Variants in TRIM25 observed in about 807,000 individuals in gnomAD.
TRIM25 encodes E3 ubiquitin/ISG15 ligase TRIM25.
Under a neutral mutation model 65.2 loss-of-function variants are expected in TRIM25, and 45 were observed. That is an observed-to-expected ratio of 0.69 (90% confidence interval 0.54 to 0.89). The LOEUF (loss-of-function observed/expected upper bound fraction) is 0.89, where lower values mean the gene tolerates loss of function less well. Ranked by LOEUF, TRIM25 falls within the 40% of genes least tolerant of loss-of-function variation. TRIM25 has a pLI of 0.00. For synonymous variants in TRIM25, 321 were observed against 340.4 expected, an observed-to-expected ratio of 0.94 and a Z score of 0.63; for missense variants, 714 against 803.7, an observed-to-expected ratio of 0.89 and a Z score of 1.35.
At position 56,913,481 on chromosome 17, in the gene TRIM25, CG is replaced by C; in HGVS notation, c.507del (p.Glu170SerfsTer22). The C allele has an allele frequency of 6.2e-7, 1 of 1,613,222 alleles. No individual in the cohort carries two copies. The highest frequency in any genetic ancestry group is 1.3e-5 in the African/African-American group (1 of 75,012). On this transcript the variant is annotated frameshift_variant, in exon 1 of 9. Transcript: ENST00000316881. LOFTEE classifies it high-confidence loss of function. The surrounding 1 kb of genome is among the most constrained non-coding windows in gnomAD (Gnocchi z 6.1). ...QHNRLREFFC[P>X]EHSECICHIC... ...ATGTGGCAGATGCACTCGCTGTGCT[CG>C]GGGCAGAAAAATTCCCGCAGCCGAT...
At chr17:56,912,097 A>C in intron 1 of TRIM25, 1 of 152,176 alleles carries the variant, frequency 6.6e-6, no homozygotes, top group East Asian at 1.9e-4. Context: ...CAGACCCCCA[A>C]CTCTGACCTT....
At chr17:56,908,397 C>T in intron 2 of TRIM25, 71 bp downstream of exon 2, 1 of 1,485,124 alleles carries the variant, frequency 6.7e-7, no homozygotes, top group African/African-American at 1.4e-5. Context: ...TGGTCAGAGC[C>T]ACGCCCATCC....
At chr17:56,904,999 G>A (rs746855266) in intron 2 of TRIM25, among the ~76,000 whole-genome samples, 4 of 152,200 alleles carry the variant, frequency 2.6e-5, no homozygotes, top group Non-Finnish European at 4.4e-5. Flanking sequence ...AGAAACGCAT[G>A]GGAATGAATA....
chr17:56,898,936 T>TG (rs1909353389), intron 5 of TRIM25, 179 bp downstream of exon 5: 1 of 631,984 alleles, frequency 1.6e-6, no homozygotes, highest in Admixed American at 2.9e-5. Flanking sequence ...GCAATGCTGA[T>TG]GGACAGCGGA....
intron 3 of TRIM25, among the ~76,000 whole-genome samples, chr17:56,902,045 G>A (rs972323398): frequency 2.6e-5 from 4 of 152,152 alleles, no homozygotes; most frequent in Admixed American, 6.5e-5. Context: ...GGAAGGGAGG[G>A]TCTTCCTGGA....
rs1290082048 is a variant in TRIM25, at chr17:56,889,914, T to C, written c.*1786A>G. 5.0e-5 allele frequency: 20 copies of C among 398,752 alleles called. No homozygotes were observed. Among genetic ancestry groups the C allele is most frequent in the Non-Finnish European group, 8.8e-5 (20 of 226,318 alleles). The allele number at this position is 398,752 out of a possible 1,614,324, so 24.7% of individuals were successfully genotyped here. A position where few individuals can be genotyped will look rare whatever the true frequency, so the allele number is the denominator to read the frequency against. The stretch of plus-strand genomic sequence containing the variant: ...GACCACATATCACCTATTGCAGGGA[T>C]GTCTTTCCTACAAAGATTATTGCTC... On this transcript the variant is annotated 3_prime_UTR_variant, in exon 9 of 9. Transcript: ENST00000316881.
At chr17:56,895,484 G>GT in intron 7 of TRIM25, 37 bp downstream of exon 7, 1 of 1,614,036 alleles carries the variant, frequency 6.2e-7, no homozygotes, top group Non-Finnish European at 8.5e-7. Context: ...CAAACTCAGA[G>GT]TGGACACCCC....
chr17:56,898,509 G>A (rs1307792262), intron 5 of TRIM25, among the ~76,000 whole-genome samples: 1 of 152,172 alleles, frequency 6.6e-6, no homozygotes, highest in Non-Finnish European at 1.5e-5. Flanking sequence ...CCAATGAGGG[G>A]GATAGTACCC....
In TRIM25 at chr17:56,895,344, C is replaced by T; in HGVS notation, c.1362G>A (p.Glu454=). 2 of 1,613,666 alleles carry T rather than the reference C, an allele frequency of 1.2e-6. No individual in the cohort carries two copies. Among genetic ancestry groups the T allele is most frequent in the Non-Finnish European group, 1.7e-6 (2 of 1,179,682 alleles). The change falls in exon 8 of 9, where the codon GAG becomes GAA. Residue 454 remains glutamate (E), a splice_region_variant and synonymous_variant. Coordinates refer to ENST00000316881, the MANE Select transcript of TRIM25 (RefSeq NM_005082.5). ...CGCACCAGCCCCGAAGCTACTCACA[C>T]TCCAGGAGCTCAGGTCTGGACTTGG... is the stretch of plus-strand genomic sequence containing the variant. The part of the protein sequence containing the change: ...FLAKSRPELL[E]YYIKVILDYN...
intron 8 of TRIM25, among the ~76,000 whole-genome samples, chr17:56,892,480 T>C (rs113400839): frequency 9.8e-5 from 15 of 152,318 alleles, no homozygotes; most frequent in African/African-American, 3.6e-4. Context: ...CATATACCCA[T>C]CTATCTACCT....
rs369983490 is a variant in TRIM25 at position 56,901,563 on chromosome 17, G to C, written c.943C>G (p.Arg315Gly). Residue 315 changes from arginine to glycine, a missense_variant, in exon 4 of 9, where the codon CGA becomes GGA. Arg to Gly is a moderately radical substitution (Grantham distance 125). This residue lies in a region of TRIM25 where 413 missense variants were observed against 498.2 expected (regional missense o/e 0.83). Transcript: ENST00000316881. ...TAGACTGGCTTTGTTGAGATTCCTC[G>C]CAGTTTTGATGCTTTCTGGAACATG... ...FEFLEKASKL[R>G]GISTKPVYIP... The C allele has an allele frequency of 3.7e-6, 6 of 1,614,070 alleles. No homozygotes were observed. Among genetic ancestry groups the C allele is most frequent in the Middle Eastern group, 1.7e-4 (1 of 6,058 alleles).
At position 56,899,185 on chromosome 17, in the gene TRIM25, G is replaced by C. The variant is rs543045762; in HGVS notation, c.1088-5C>G. The C allele has an allele frequency of 9.2e-5, 149 of 1,614,164 alleles. 1 individual carries two copies. In the East Asian group the frequency reaches 3.3e-3, roughly 35 times the overall value. On this transcript the variant is annotated splice_region_variant and splice_polypyrimidine_tract_variant and intron_variant, in intron 4 of 8. Transcript: ENST00000316881. ...GGTCATGCTCTCCAGGGTCACCTGTGTCAGAGAAGAAGGGCTCAGTGTGTG... is the reference window on the plus strand; with the variant it reads ...GGTCATGCTCTCCAGGGTCACCTGTCTCAGAGAAGAAGGGCTCAGTGTGTG...
intron 4 of TRIM25, 75 bp from the exon 5 acceptor site, chr17:56,899,255 G>C (rs1598073972): frequency 6.6e-7 from 1 of 1,514,274 alleles, no homozygotes; most frequent in East Asian, 2.3e-5. Context: ...CCATGGGTCG[G>C]TGGGCAGGCA....
Position 56,889,481 on chromosome 17 carries a change from G to A in TRIM25, c.*2219C>T. On this transcript the variant is annotated 3_prime_UTR_variant, in exon 9 of 9. Transcript: ENST00000316881. ...CAGGGTTGTGTGGCGGCCCTGCAAG[G>A]CTAGGTTATGTAAGGTCTCACCATT... 3.0e-6 allele frequency: 1 copy of A among 332,760 alleles called. No homozygotes were observed. The highest frequency in any genetic ancestry group is 4.5e-5 in the East Asian group (1 of 22,198). 20.6% of individuals were successfully genotyped at this position (332,760 alleles called of 1,614,324 possible). A position where few individuals can be genotyped will look rare whatever the true frequency, so the allele number is the denominator to read the frequency against.
In TRIM25 at chr17:56,901,583, A is replaced by G. The variant is rs1598075347; in HGVS notation, c.928-5T>C. Reference sequence around the variant, plus strand: ...TCCTCGCAGTTTTGATGCTTTCTGGAACATGCCAGGGGGTTAGTGCAGGCA... The same window carrying G: ...TCCTCGCAGTTTTGATGCTTTCTGGGACATGCCAGGGGGTTAGTGCAGGCA... On this transcript the variant is annotated splice_region_variant and splice_polypyrimidine_tract_variant and intron_variant, in intron 3 of 8. Transcript: ENST00000316881. 2 of 1,614,068 alleles carry G rather than the reference A, an allele frequency of 1.2e-6. No homozygotes were observed. Among genetic ancestry groups the G allele is most frequent in the East Asian group, 2.2e-5 (1 of 44,876 alleles).
Position 56,892,236 on chromosome 17 carries a change from A to G in TRIM25, c.1364-7T>C. On this transcript the variant is annotated splice_region_variant and splice_polypyrimidine_tract_variant and intron_variant, in intron 8 of 8. Coordinates refer to ENST00000316881, the MANE Select transcript of TRIM25 (RefSeq NM_005082.5). ...AGGATGACTTTAATGTAATCTGAGA[A>G]AACATCACCCCAAGGAATTAATTAC... The G allele has an allele frequency of 6.3e-7, 1 of 1,582,166 alleles. No individual in the cohort carries two copies. Among genetic ancestry groups the G allele is most frequent in the Non-Finnish European group, 8.6e-7 (1 of 1,161,126 alleles).
rs56152176 is a variant in TRIM25, at chr17:56,906,781, C to G, written c.693+1687G>C. ...AAGTGCTGGGATTACAGGCGTGAGC[C>G]ATTGCGCCCAGCCTTCTTTGCCAAT... On this transcript the variant is annotated intron_variant, in intron 2 of 8. Transcript: ENST00000316881. Among the ~76,000 whole-genome samples the G allele has an allele frequency of 1.7e-3, 260 of 152,362 alleles. 1 individual carries two copies. Among genetic ancestry groups the G allele is most frequent in the Non-Finnish European group, 2.5e-3 (167 of 68,032 alleles).
At chr17:56,898,968 C>A in intron 5 of TRIM25, 147 bp downstream of exon 5, 1 of 793,712 alleles carries the variant, frequency 1.3e-6, no homozygotes, top group Non-Finnish European at 2.1e-6. Flanking sequence ...AGCCCTACAG[C>A]CCCCCGCAGT....
Position 56,913,807 on chromosome 17 carries a change from G to A in TRIM25, c.182C>T (p.Pro61Leu), listed in dbSNP as rs746428645. 6 of 1,559,106 alleles carry A rather than the reference G, an allele frequency of 3.8e-6. No homozygotes were observed. Among genetic ancestry groups the A allele is most frequent in the Non-Finnish European group, 4.3e-6 (5 of 1,152,180 alleles). The change falls in exon 1 of 9, where the codon CCG becomes CTG. Residue 61 changes from proline (P) to leucine (L), a missense_variant. Pro to Leu is a moderately conservative substitution (Grantham distance 98, BLOSUM62 -3). Transcript: ENST00000316881. This position sits in a 1 kb window ranked among gnomAD's most constrained non-coding sequence, Gnocchi z 6.1. The part of the protein sequence containing the change: ...PQCRAVYQAR[P>L]QLHKNTVLCN... The stretch of plus-strand genomic sequence containing the variant: ...CAGCACCGTGTTCTTGTGCAGCTGC[G>A]GTCGCGCCTGGTAGACGGCGCGGCA...
Sources: gnomAD v4.1 joint callset for allele counts (sites outside exome capture counted in the v4.1 genomes callset) on GRCh38, gnomAD v4.1.1 for gene constraint, gnomAD v4.1.1 regional missense constraint, Gnocchi (gnomAD v3.1) non-coding constraint, MANE v1.5 for transcripts, NCBI Gene and HGNC (gene_info 2026-07-23, HGNC 2026-07-21) for gene names.